The following PTPN20 variants were observed in gnomAD, a reference collection of about 807,000 sequenced individuals.
PTPN20 encodes the protein tyrosine-protein phosphatase non-receptor type 20.
PTPN20 carries 9 observed loss-of-function variants against 35.0 expected under a neutral mutation model. That is an observed-to-expected ratio of 0.26 (90% CI 0.15 to 0.45). The LOEUF (loss-of-function observed/expected upper bound fraction) is 0.45, where lower values mean the gene tolerates loss of function less well. Ranked by LOEUF, PTPN20 falls within the 20% of genes least tolerant of loss-of-function variation. The pLI, the probability that PTPN20 is intolerant of heterozygous loss-of-function variation, is 1.00. For missense variants in PTPN20, 111 were observed against 312.5 expected (o/e 0.36, Z 4.86); for synonymous variants, 32 against 100.2 (o/e 0.32, Z 4.06).
intron 9 of PTPN20, among the ~76,000 whole-genome samples, chr10:46,988,811 A>C (rs1443727997): frequency 6.7e-6 from 1 of 149,794 alleles, no homozygotes; most frequent in Non-Finnish European, 1.5e-5. Flanking sequence ...TCCTCATAGA[A>C]GTCTTTTACT....
intron 1 of PTPN20, among the ~76,000 whole-genome samples, chr10:46,922,276 A>G (rs1555109238): frequency 6.9e-6 from 1 of 145,770 alleles, no homozygotes. Flanking sequence ...TCTATCATAG[A>G]TTCTTTGCAT....
intron 9 of PTPN20, among the ~76,000 whole-genome samples, chr10:46,988,931 A>T: frequency 6.9e-6 from 1 of 144,658 alleles, no homozygotes; most frequent in African/African-American, 2.5e-5. Flanking sequence ...TAGAAATATC[A>T]CTGATTTTTG....
At chr10:46,991,962 A>T (rs201168738) in intron 9 of PTPN20, among the ~76,000 whole-genome samples, 48,838 of 151,854 alleles carry the variant, frequency 0.32, 8,221 homozygotes, top group South Asian at 0.48. Flanking sequence ...AAATTTGCCT[A>T]TTGACTTCTC....
chr10:46,949,145 G>C (rs1202518340), intron 5 of PTPN20, among the ~76,000 whole-genome samples: 3 of 152,014 alleles, frequency 2.0e-5, no homozygotes, highest in Non-Finnish European at 4.4e-5. Context: ...GGGGCTTTAC[G>C]CATTTTCGAC....
intron 7 of PTPN20, among the ~76,000 whole-genome samples, chr10:46,975,880 C>T (rs2053420406): frequency 3.3e-5 from 5 of 151,206 alleles, no homozygotes; most frequent in Non-Finnish European, 4.4e-5. Context: ...AGGCTGGTCT[C>T]GAACTCCTGA....
rs1270604434 is a variant in PTPN20, at chr10:47,002,124, G to A, written c.*1383G>A. 1.3e-5 allele frequency: 2 copies of A among 152,104 alleles called. No homozygotes were observed. The highest frequency in any genetic ancestry group is 2.9e-5 in the Non-Finnish European group (2 of 67,944). The allele number at this position is 152,104 out of a possible 1,614,324, so 9.4% of individuals were successfully genotyped here. A position where few individuals can be genotyped will look rare whatever the true frequency, so the allele number is the denominator to read the frequency against. ...ATTATATGCCAAAAATATATTTGAT[G>A]TTAAATCAAATAGATGATTCTGTTT... On this transcript the variant is annotated 3_prime_UTR_variant, in exon 11 of 11. Transcript: ENST00000374339.
rs1247463089 is a variant in PTPN20, at chr10:46,976,632, C to A, written c.584-7598C>A. Among the ~76,000 whole-genome samples the A allele has an allele frequency of 3.3e-4, 46 of 140,318 alleles. 1 individual carries two copies. Among genetic ancestry groups the A allele is most frequent in the African/African-American group, 1.1e-3 (43 of 38,572 alleles). 92.1% of individuals were successfully genotyped at this position (140,318 alleles called of 152,430 possible). The stretch of plus-strand genomic sequence containing the variant: ...ATTTTCCTGGAATTAAATAATGTTA[C>A]CAGGTATGCTTCATTTCCATCATTC... On this transcript the variant is annotated intron_variant, in intron 7 of 10. Coordinates refer to ENST00000374339, the MANE Select transcript of PTPN20 (RefSeq NM_001042357.5).
chr10:46,939,560 T>G (rs2042785285), intron 2 of PTPN20, among the ~76,000 whole-genome samples: 1 of 140,150 alleles, frequency 7.1e-6, no homozygotes, highest in South Asian at 2.4e-4. Context: ...GATTATTCTT[T>G]AGGCTTATTT....
At chr10:46,952,823 A>G (rs1384454855) in intron 5 of PTPN20, among the ~76,000 whole-genome samples, 3 of 151,824 alleles carry the variant, frequency 2.0e-5, no homozygotes, top group Non-Finnish European at 4.4e-5. Flanking sequence ...GCAGCAGCCC[A>G]GTTTCCCCTT....
chr10:46,932,597 C>G (rs1371452067), intron 2 of PTPN20, 64 bp downstream of exon 2: 13 of 1,585,616 alleles, frequency 8.2e-6, no homozygotes, highest in Middle Eastern at 2.2e-4. Flanking sequence ...GCCTCTCAGA[C>G]TGTAGATTTG....
intron 2 of PTPN20, among the ~76,000 whole-genome samples, chr10:46,933,627 T>C (rs1355808632): frequency 1.3e-4 from 18 of 138,054 alleles, no homozygotes; most frequent in Admixed American, 5.0e-4. Flanking sequence ...GAAGAGACTT[T>C]CTTGTCCCCA....
chr10:46,948,821 G>C (rs2045793054), intron 5 of PTPN20, among the ~76,000 whole-genome samples: 1 of 148,540 alleles, frequency 6.7e-6, no homozygotes, highest in South Asian at 2.2e-4. Flanking sequence ...CAGGTCCTCT[G>C]TCCCTGGTCC....
In PTPN20 at chr10:46,983,140, G is replaced by A. The variant is rs1162563506; in HGVS notation, c.584-1090G>A. ...CACCCAGGCTGAAGTACAGTGGCGC[G>A]GTCTCAGATCACTGCAGCCTCCGCC... On this transcript the variant is annotated intron_variant, in intron 7 of 10. Coordinates refer to ENST00000374339, the MANE Select transcript of PTPN20 (RefSeq NM_001042357.5). 2.6e-3 allele frequency among the ~76,000 whole-genome samples: 393 copies of A among 149,622 alleles called. 1 individual carries two copies. The highest frequency in any genetic ancestry group is 9.3e-3 in the African/African-American group (380 of 40,680).
rs554588853 is a variant in PTPN20 at position 46,999,883 on chromosome 10, C to G, written c.1135-29C>G. On this transcript the variant is annotated intron_variant, in intron 9 of 10. Coordinates refer to ENST00000374339, the MANE Select transcript of PTPN20 (RefSeq NM_001042357.5). ...ATTTGTGTTTTTCCCCCATGTGGAT[C>G]ATACAAAATTACTGTCATCTTATTA... is the stretch of plus-strand genomic sequence containing the variant. 20 of 1,612,650 alleles carry G rather than the reference C, an allele frequency of 1.2e-5. No homozygotes were observed. In the East Asian group the frequency reaches 4.5e-4, roughly 36 times the overall value.
At chr10:46,948,827 G>C (rs2045795252) in intron 5 of PTPN20, among the ~76,000 whole-genome samples, 1 of 148,416 alleles carries the variant, frequency 6.7e-6, no homozygotes, top group African/African-American at 2.5e-5. Context: ...CTCTGTCCCT[G>C]GTCCTCAGTG....
At chr10:46,978,870 GATTA>G (rs1284587064) in intron 7 of PTPN20, among the ~76,000 whole-genome samples, 2 of 148,440 alleles carry the variant, frequency 1.3e-5, no homozygotes, top group African/African-American at 4.9e-5. Flanking sequence ...CTGTGGTGTT[GATTA>G]GTTGATCATG....
chr10:46,925,495 T>TTGCTGCTGC (rs1183970748), intron 1 of PTPN20, among the ~76,000 whole-genome samples: 1 of 147,160 alleles, frequency 6.8e-6, no homozygotes, highest in African/African-American at 2.6e-5. Flanking sequence ...TGAGGAGAAC[T>TTGCTGCTGC]TGCTGCTGCT....
intron 9 of PTPN20, among the ~76,000 whole-genome samples, chr10:46,992,348 C>T (rs1340973329): frequency 6.6e-6 from 1 of 152,054 alleles, no homozygotes; most frequent in Non-Finnish European, 1.5e-5. Context: ...GTCTCAAACT[C>T]CTGGCCCCAA....
chr10:46,930,232 G>T (rs1292167567), intron 1 of PTPN20, among the ~76,000 whole-genome samples: 5 of 128,998 alleles, frequency 3.9e-5, no homozygotes, highest in Admixed American at 1.5e-4. Flanking sequence ...TAATATGTGT[G>T]TGTATTTATA....
Sources: gnomAD v4.1 joint callset for allele counts (sites outside exome capture counted in the v4.1 genomes callset) on GRCh38, gnomAD v4.1.1 for gene constraint, MANE v1.5 for transcripts, NCBI Gene and HGNC (gene_info 2026-07-23, HGNC 2026-07-21) for gene names.